The following MAPK8 variants were observed in gnomAD, a reference collection of about 807,000 sequenced individuals.
MAPK8 encodes mitogen-activated protein kinase 8.
Under a neutral mutation model 52.9 loss-of-function variants are expected in MAPK8, and 13 were observed. The ratio of observed to expected loss-of-function variants is 0.25; its 90% CI spans 0.16 to 0.39. The LOEUF is 0.39. Ranked by LOEUF, MAPK8 falls within the 10% of genes least tolerant of loss-of-function variation. The pLI is 1.00. For missense variants in MAPK8, 300 were observed against 519.2 expected (o/e 0.58, Z 4.10); for synonymous variants, 191 against 169.8 (o/e 1.12, Z -0.97).
At chr10:48,420,767 C>T (rs889514969) in intron 6 of MAPK8, among the ~76,000 whole-genome samples, 4 of 152,104 alleles carry the variant, frequency 2.6e-5, no homozygotes, top group African/African-American at 4.8e-5. Flanking sequence ...TACATTAAGG[C>T]CTCTGCAAAG....
chr10:48,351,960 G>C (rs1846380172), intron 1 of MAPK8, among the ~76,000 whole-genome samples: 1 of 152,156 alleles, frequency 6.6e-6, no homozygotes, highest in Non-Finnish European at 1.5e-5. Context: ...CAGATTATCA[G>C]ATTTGGGATG....
chr10:48,367,037 G>T (rs185609612), intron 1 of MAPK8, among the ~76,000 whole-genome samples: 2 of 152,268 alleles, frequency 1.3e-5, no homozygotes, highest in Non-Finnish European at 2.9e-5. Context: ...ATTTAATATT[G>T]ATTGAGGTAT....
At chr10:48,369,069 A>C (rs567561800) in intron 1 of MAPK8, among the ~76,000 whole-genome samples, 8 of 152,236 alleles carry the variant, frequency 5.3e-5, no homozygotes, top group African/African-American at 1.9e-4. Flanking sequence ...TTCAAAGCCA[A>C]CCCCTCTCAC....
intron 1 of MAPK8, among the ~76,000 whole-genome samples, chr10:48,372,754 G>C (rs1002627822): frequency 6.6e-6 from 1 of 152,086 alleles, no homozygotes; most frequent in Admixed American, 6.6e-5. Context: ...ATCTACGTTT[G>C]ATTGGTGTAC....
chr10:48,418,988 T>G (rs1375748507), intron 5 of MAPK8, among the ~76,000 whole-genome samples: 1 of 152,210 alleles, frequency 6.6e-6, no homozygotes, highest in East Asian at 1.9e-4. Context: ...CATGCAGTGT[T>G]TCTTTGCTGA....
chr10:48,318,935 T>C (rs545848568), intron 1 of MAPK8, among the ~76,000 whole-genome samples: 11 of 152,200 alleles, frequency 7.2e-5, no homozygotes, highest in Non-Finnish European at 1.2e-4. Flanking sequence ...ATGGAGGACG[T>C]ACACAGCAGT....
At position 48,331,669 on chromosome 10, in the gene MAPK8, C is replaced by G. The variant is rs73293187; in HGVS notation, c.-50+24848C>G. Among the ~76,000 whole-genome samples the G allele has an allele frequency of 2.0e-5, 3 of 152,170 alleles. No individual in the cohort carries two copies. The East Asian group carries it at 5.8e-4, about 29-fold the overall frequency. On this transcript the variant is annotated intron_variant, in intron 1 of 11. Transcript: ENST00000374189. ...GGCTGGAAGTGGTGAACCGTGAACT[C>G]AAGAGGTGGCATTTGAGTCAGAAGT...
At chr10:48,370,974 A>G (rs1449229141) in intron 1 of MAPK8, among the ~76,000 whole-genome samples, 1 of 152,134 alleles carries the variant, frequency 6.6e-6, no homozygotes, top group Non-Finnish European at 1.5e-5. Flanking sequence ...GATGCTTACA[A>G]GCTTTGAGAA....
At chr10:48,402,252 A>G (rs1324526919) in intron 2 of MAPK8, among the ~76,000 whole-genome samples, 3 of 152,224 alleles carry the variant, frequency 2.0e-5, no homozygotes, top group Non-Finnish European at 2.9e-5. Context: ...GGGCATAGCC[A>G]TTGAAGACAA....
rs1281589611 is a variant in MAPK8 at position 48,306,756 on chromosome 10, C to G, written c.-115C>G. ...GAGCAGCGCTGGGTAACGGCCGCGG[C>G]GACCACCCCGGACGGCCCCTGTCCC... On this transcript the variant is annotated 5_prime_UTR_variant, in exon 1 of 12. Coordinates refer to ENST00000374189, the MANE Select transcript of MAPK8 (RefSeq NM_001323329.2). 1 of 151,438 alleles carries G rather than the reference C, an allele frequency of 6.6e-6. No homozygotes were observed. The highest frequency in any genetic ancestry group is 6.6e-5 in the Admixed American group (1 of 15,218). The allele number at this position is 151,438 out of a possible 1,614,324, so 9.4% of individuals were successfully genotyped here.
At chr10:48,415,859 C>G (rs1395714178) in intron 5 of MAPK8, among the ~76,000 whole-genome samples, 1 of 152,148 alleles carries the variant, frequency 6.6e-6, no homozygotes, top group Non-Finnish European at 1.5e-5. Context: ...CTAACTTACT[C>G]CCTTAGTATC....
intron 1 of MAPK8, among the ~76,000 whole-genome samples, chr10:48,350,500 A>C (rs1431037441): frequency 1.3e-5 from 2 of 152,376 alleles, no homozygotes; most frequent in East Asian, 3.9e-4. Flanking sequence ...TCACATAAAT[A>C]GAACCAATGA....
At chr10:48,399,510 C>G (rs924668386) in intron 1 of MAPK8, among the ~76,000 whole-genome samples, 1 of 152,166 alleles carries the variant, frequency 6.6e-6, no homozygotes, top group African/African-American at 2.4e-5. Flanking sequence ...GTTCAGACTT[C>G]TTGTCACCGT....
chr10:48,426,796 T>G (rs2043710009), intron 9 of MAPK8: 7 of 480,184 alleles, frequency 1.5e-5, no homozygotes, highest in Non-Finnish European at 2.6e-5. Context: ...ATAAAACAAA[T>G]TACTGTATCC....
Position 48,404,936 on chromosome 10 carries a change from G to C in MAPK8, c.207G>C (p.Arg69=). 1 of 1,607,938 alleles carries C rather than the reference G, an allele frequency of 6.2e-7. No homozygotes were observed. Among genetic ancestry groups the C allele is most frequent in the Non-Finnish European group, 8.5e-7 (1 of 1,176,298 alleles). ...TTCAGAATCAGACTCATGCCAAGCG[G>C]GCCTACAGAGAGCTAGTTCTTATGA... ...RPFQNQTHAK[R]AYRELVLMKC... is the part of the protein sequence containing the mutation. Residue 69 remains arginine, a synonymous_variant, in exon 3 of 12, where the codon CGG becomes CGC. Transcript: ENST00000374189.
At chr10:48,352,411 A>G (rs972498387) in intron 1 of MAPK8, among the ~76,000 whole-genome samples, 10 of 152,312 alleles carry the variant, frequency 6.6e-5, no homozygotes, top group African/African-American at 2.4e-4. Context: ...CGGTATATAA[A>G]TAGAATTAAA....
At chr10:48,330,546 C>T (rs1844029548) in intron 1 of MAPK8, among the ~76,000 whole-genome samples, 2 of 152,188 alleles carry the variant, frequency 1.3e-5, no homozygotes, top group Admixed American at 1.3e-4. Context: ...GTGAGAAACA[C>T]ATTCACCCGT....
At chr10:48,395,310 A>T (rs1003084702) in intron 1 of MAPK8, among the ~76,000 whole-genome samples, 1 of 152,070 alleles carries the variant, frequency 6.6e-6, no homozygotes, top group Admixed American at 6.5e-5. Flanking sequence ...AAGGATAAAC[A>T]TATTATTAAT....
intron 1 of MAPK8, among the ~76,000 whole-genome samples, chr10:48,330,441 A>T (rs1779327257): frequency 6.6e-6 from 1 of 152,180 alleles, no homozygotes; most frequent in African/African-American, 2.4e-5. Flanking sequence ...TTGCCCTGTG[A>T]TGTGGCAACA....
Sources: gnomAD v4.1 joint callset for allele counts (sites outside exome capture counted in the v4.1 genomes callset) on GRCh38, gnomAD v4.1.1 for gene constraint, MANE v1.5 for transcripts, NCBI Gene and HGNC (gene_info 2026-07-23, HGNC 2026-07-21) for gene names.